The following ATOX1 variants were observed in gnomAD, a reference collection of about 807,000 sequenced individuals.
The protein encoded by ATOX1 is copper transport protein ATOX1.
In ATOX1, 4 loss-of-function variants were observed where a neutral mutation model predicts 7.3. The ratio of observed to expected loss-of-function variants is 0.55; its 90% CI spans 0.27 to 1.25. The LOEUF is 1.25. Among genes scored for constraint, ATOX1 ranks in the 50% most tolerant of loss-of-function variants. The probability of loss-of-function intolerance (pLI) is 0.12; values close to 1 mark genes in which losing one functional copy is unlikely to be tolerated. For missense variants in ATOX1, 68 were observed against 81.6 expected (o/e 0.83, Z 0.64); for synonymous variants, 25 against 28.7 (o/e 0.87, Z 0.41).
intron 1 of ATOX1, 33 bp from the exon 2 acceptor site, chr5:151,751,812 C>A: frequency 6.3e-7 from 1 of 1,578,338 alleles, no homozygotes; most frequent in Non-Finnish European, 8.6e-7. Flanking sequence ...ATGACCCGAG[C>A]CCTGTAGAGT....
chr5:151,754,455 GA>G (rs1554078537), intron 1 of ATOX1, among the ~76,000 whole-genome samples: 2 of 151,522 alleles, frequency 1.3e-5, no homozygotes, highest in African/African-American at 2.4e-5. Context: ...ACTAAAAATA[GA>G]AAAAAAATTA....
At position 151,751,817 on chromosome 5, in the gene ATOX1, T is replaced by A. The variant is rs755626530; in HGVS notation, c.7-38A>T. The A allele has an allele frequency of 5.7e-6, 9 of 1,572,360 alleles. 1 individual carries two copies. In the South Asian group the frequency reaches 1.1e-4, roughly 18 times the overall value. On this transcript the variant is annotated intron_variant, in intron 1 of 3. Transcript: ENST00000313115. ...CAGGGGGACCATGACCCGAGCCCTGTAGAGTGACCCCCACACAGTGCCAGC... is the reference window on the plus strand; with the variant it reads ...CAGGGGGACCATGACCCGAGCCCTGAAGAGTGACCCCCACACAGTGCCAGC...
In ATOX1 at chr5:151,758,628, G is replaced by C. The variant is rs189545628; in HGVS notation, c.-77C>G. The C allele has an allele frequency of 7.4e-7, 1 of 1,347,116 alleles. No homozygotes were observed. 83.4% of individuals were successfully genotyped at this position (1,347,116 alleles called of 1,614,324 possible). ...CTCTCTGGATTCGGAGGGCGGGTTC[G>C]GCTGCGCTTCCGAGAGTGCGCACTA... On this transcript the variant is annotated 5_prime_UTR_variant, in exon 1 of 4. Coordinates refer to ENST00000313115, the MANE Select transcript of ATOX1 (RefSeq NM_004045.4).
chr5:151,750,995 G>A (rs1294035927), intron 2 of ATOX1, among the ~76,000 whole-genome samples: 1 of 151,728 alleles, frequency 6.6e-6, no homozygotes, highest in Non-Finnish European at 1.5e-5. Flanking sequence ...GGTGGCTCGC[G>A]CCTGTAATCC....
chr5:151,751,878 G>C, intron 1 of ATOX1, 99 bp from the exon 2 acceptor site: 1 of 1,224,322 alleles, frequency 8.2e-7, no homozygotes, highest in East Asian at 2.5e-5. Context: ...AGAAGACAGA[G>C]AGACTGGGCA....
intron 1 of ATOX1, chr5:151,752,515 A>G: frequency 1.6e-6 from 1 of 612,570 alleles, no homozygotes; most frequent in Non-Finnish European, 2.9e-6. Context: ...GGTTTTGTTC[A>G]GTTCACTACT....
chr5:151,746,632 T>C (rs1761882759), intron 2 of ATOX1, 183 bp from the exon 3 acceptor site: 1 of 639,410 alleles, frequency 1.6e-6, no homozygotes, highest in Non-Finnish European at 2.7e-6. Flanking sequence ...GTGGGTCACA[T>C]ATAGACTCTG....
At chr5:151,751,342 A>G (rs188538895) in intron 2 of ATOX1, among the ~76,000 whole-genome samples, 92 of 152,116 alleles carry the variant, frequency 6.0e-4, no homozygotes, top group Non-Finnish European at 1.1e-3. Context: ...CAACATATGA[A>G]CTAGTACTGC....
chr5:151,755,606 C>G (rs577662848), intron 1 of ATOX1, among the ~76,000 whole-genome samples: 1 of 152,170 alleles, frequency 6.6e-6, no homozygotes, highest in Admixed American at 6.5e-5. Context: ...AACTTTCTGT[C>G]GCTGACTACA....
intron 2 of ATOX1, among the ~76,000 whole-genome samples, chr5:151,749,678 A>G (rs1487553987): frequency 2.6e-5 from 4 of 151,304 alleles, no homozygotes; most frequent in Non-Finnish European, 4.4e-5. Flanking sequence ...AAAAAAAAAG[A>G]AAAAGAAAAA....
intron 3 of ATOX1, chr5:151,746,026 G>A: frequency 3.6e-6 from 1 of 277,302 alleles, no homozygotes; most frequent in Non-Finnish European, 7.0e-6. Flanking sequence ...CAACCCTCAA[G>A]TCTGAAAGAG....
At chr5:151,754,051 T>C (rs1761982488) in intron 1 of ATOX1, 1 of 152,246 alleles carries the variant, frequency 6.6e-6, no homozygotes, top group African/African-American at 2.4e-5. Context: ...TAAACATCTC[T>C]GATTTTTTCA....
intron 1 of ATOX1, among the ~76,000 whole-genome samples, chr5:151,755,472 A>G (rs1762003405): frequency 6.6e-6 from 1 of 152,198 alleles, no homozygotes; most frequent in Admixed American, 6.5e-5. Context: ...CTGGTTCTGG[A>G]AAAGCAAAGT....
chr5:151,747,308 C>A (rs1386804987), intron 2 of ATOX1, among the ~76,000 whole-genome samples: 1 of 152,152 alleles, frequency 6.6e-6, no homozygotes, highest in South Asian at 2.1e-4. Flanking sequence ...TATTTAGAGA[C>A]AGGGTCTCAC....
intron 2 of ATOX1, among the ~76,000 whole-genome samples, chr5:151,751,022 C>T (rs1033565980): frequency 2.6e-5 from 4 of 151,632 alleles, no homozygotes; most frequent in Non-Finnish European, 4.4e-5. Context: ...TTTGGGAGGC[C>T]GAGGCGGGCA....
intron 1 of ATOX1, chr5:151,754,123 G>GT (rs1761983432): frequency 6.6e-6 from 1 of 152,154 alleles, no homozygotes; most frequent in African/African-American, 2.4e-5. Context: ...AGGATTTGTA[G>GT]TAAGTATTAC....
At position 151,749,575 on chromosome 5, in the gene ATOX1, C is replaced by T. The variant is rs191679784; in HGVS notation, c.82+2129G>A. On this transcript the variant is annotated intron_variant, in intron 2 of 3. Coordinates refer to ENST00000313115, the MANE Select transcript of ATOX1 (RefSeq NM_004045.4). ...CTGAGGCAGGAGAATCGCTTGAACCCGGGGCAGAGTGGAGCAGGTTGCAGT... is the reference window on the plus strand; with the variant it reads ...CTGAGGCAGGAGAATCGCTTGAACCTGGGGCAGAGTGGAGCAGGTTGCAGT... 5.6e-4 allele frequency among the ~76,000 whole-genome samples: 84 copies of T among 150,140 alleles called. 1 individual carries two copies. In the East Asian group the frequency reaches 0.012, roughly 21 times the overall value.
intron 3 of ATOX1, chr5:151,744,404 C>G (rs1272646744): frequency 6.6e-6 from 1 of 152,176 alleles, no homozygotes; most frequent in Non-Finnish European, 1.5e-5. Flanking sequence ...TTGCAATATT[C>G]AGCATAAATG....
chr5:151,748,227 A>G (rs1761901964), intron 2 of ATOX1, among the ~76,000 whole-genome samples: 1 of 152,178 alleles, frequency 6.6e-6, no homozygotes, highest in African/African-American at 2.4e-5. Flanking sequence ...GTGCAAAAAG[A>G]AAGGAAAACT....
Sources: allele counts gnomAD v4.1 joint callset (sites outside exome capture counted in the v4.1 genomes callset), GRCh38; gene constraint gnomAD v4.1.1; transcripts MANE v1.5; gene names NCBI Gene and HGNC (gene_info 2026-07-23, HGNC 2026-07-21).